Variants in CSNK1G3 observed in about 807,000 individuals in gnomAD.
The protein encoded by CSNK1G3 is casein kinase 1 gamma 3.
A neutral mutation model predicts 64.3 loss-of-function variants in CSNK1G3; 23 were observed. That is an observed-to-expected ratio of 0.36 (90% CI 0.26 to 0.51). CSNK1G3 has a LOEUF of 0.51. Ranked by LOEUF, CSNK1G3 falls within the 20% of genes least tolerant of loss-of-function variation. The pLI is 0.96. For missense variants in CSNK1G3, 357 were observed against 510.5 expected (o/e 0.70, Z 2.90); for synonymous variants, 158 against 162.2 (o/e 0.97, Z 0.20).
chr5:123,599,140 A>G (rs1334020433), intron 10 of CSNK1G3, among the ~76,000 whole-genome samples: 1 of 152,182 alleles, frequency 6.6e-6, no homozygotes, highest in Non-Finnish European at 1.5e-5. Context: ...GTGCAAACTG[A>G]AAATCTGATC....
chr5:123,526,521 C>T (rs1240952005), intron 1 of CSNK1G3, among the ~76,000 whole-genome samples: 1 of 152,010 alleles, frequency 6.6e-6, no homozygotes, highest in African/African-American at 2.4e-5. Context: ...ATTCACTCTG[C>T]CAATAATCAA....
At chr5:123,611,929 TTA>T (rs1796403810) in intron 12 of CSNK1G3, among the ~76,000 whole-genome samples, 1 of 152,242 alleles carries the variant, frequency 6.6e-6, no homozygotes, top group Non-Finnish European at 1.5e-5. Flanking sequence ...GTAAAGGATT[TTA>T]TCTTTTAGAA....
At chr5:123,556,224 G>A (rs1458829018) in intron 3 of CSNK1G3, among the ~76,000 whole-genome samples, 1 of 151,970 alleles carries the variant, frequency 6.6e-6, no homozygotes, top group Non-Finnish European at 1.5e-5. Flanking sequence ...GAATTCTTTT[G>A]TTGTTGGTCA....
Position 123,557,478 on chromosome 5 carries a change from GTTT to G in CSNK1G3, c.220-16_220-14del. The G allele has an allele frequency of 1.9e-6, 3 of 1,590,486 alleles. No homozygotes were observed. The highest frequency in any genetic ancestry group is 1.7e-6 in the Non-Finnish European group (2 of 1,166,848). ...TTTAATAACTTAAATGTCTTTTTTT[GTTT>G]GTTTTTCAATTAGGAGCCCATGAAA... On this transcript the variant is annotated splice_polypyrimidine_tract_variant and intron_variant, in intron 3 of 12. Transcript: ENST00000345990.
intron 2 of CSNK1G3, among the ~76,000 whole-genome samples, chr5:123,548,106 C>T (rs1385215941): frequency 1.3e-5 from 2 of 152,022 alleles, no homozygotes; most frequent in Non-Finnish European, 2.9e-5. Context: ...GTATTTGGGG[C>T]TGGGCAGTTC....
At chr5:123,586,411 G>C (rs898411242) in intron 6 of CSNK1G3, among the ~76,000 whole-genome samples, 1 of 152,038 alleles carries the variant, frequency 6.6e-6, no homozygotes, top group Non-Finnish European at 1.5e-5. Context: ...TAAAATTTTC[G>C]TTATAAAAGT....
chr5:123,570,983 T>C (rs1037068512), intron 4 of CSNK1G3, among the ~76,000 whole-genome samples: 2 of 152,210 alleles, frequency 1.3e-5, no homozygotes, highest in African/African-American at 4.8e-5. Context: ...ATTTTAGAGT[T>C]GGAATAAACT....
intron 5 of CSNK1G3, among the ~76,000 whole-genome samples, chr5:123,574,306 A>G (rs1419479946): frequency 6.6e-6 from 1 of 152,216 alleles, no homozygotes. Context: ...AAATGCCAAT[A>G]GAAGTGTGCT....
Position 123,591,313 on chromosome 5 carries a change from T to C in CSNK1G3, c.991-6T>C, listed in dbSNP as rs1204384048. ...TGTATTGATACCAATTGTTATTGTA[T>C]TGTAGCCTACTCCAGTGGGTGCAGT... is the stretch of plus-strand genomic sequence containing the variant. On this transcript the variant is annotated splice_region_variant and splice_polypyrimidine_tract_variant and intron_variant, in intron 9 of 12. Transcript: ENST00000345990. 1 of 1,576,010 alleles carries C rather than the reference T, an allele frequency of 6.3e-7. No individual in the cohort carries two copies.
At chr5:123,575,895 C>A in exon 6 of CSNK1G3, 1 of 1,613,388 alleles carries the variant, frequency 6.2e-7, no homozygotes, top group South Asian at 1.1e-5. Context: ...AAACACATAC[C>A]ATACAGAGAA....
chr5:123,597,116 A>G (rs1219339675), intron 10 of CSNK1G3, among the ~76,000 whole-genome samples: 3 of 152,120 alleles, frequency 2.0e-5, no homozygotes, highest in Non-Finnish European at 4.4e-5. Context: ...AATATGTTCT[A>G]TTAATATTAT....
At chr5:123,570,284 T>A (rs1248605759) in intron 4 of CSNK1G3, among the ~76,000 whole-genome samples, 2 of 152,138 alleles carry the variant, frequency 1.3e-5, no homozygotes, top group Non-Finnish European at 2.9e-5. Context: ...CTCAACAACG[T>A]TAACTATTGG....
chr5:123,609,620 T>C (rs555999127), intron 12 of CSNK1G3, among the ~76,000 whole-genome samples: 1 of 152,280 alleles, frequency 6.6e-6, no homozygotes, highest in Non-Finnish European at 1.5e-5. Flanking sequence ...TGTATAACTC[T>C]TTTGGGAGAG....
intron 2 of CSNK1G3, among the ~76,000 whole-genome samples, chr5:123,552,588 G>C (rs545239786): frequency 3.1e-4 from 47 of 152,184 alleles, no homozygotes; most frequent in Middle Eastern, 3.4e-3. Flanking sequence ...CCTCAAAGTG[G>C]TTAGTTTATC....
intron 10 of CSNK1G3, among the ~76,000 whole-genome samples, chr5:123,595,622 G>A (rs578180598): frequency 4.0e-5 from 6 of 151,898 alleles, no homozygotes; most frequent in African/African-American, 1.4e-4. Context: ...TATAATACAT[G>A]TTTTGTTTGT....
At chr5:123,604,546 C>A (rs565913146) in intron 10 of CSNK1G3, among the ~76,000 whole-genome samples, 178 bp from the exon 12 acceptor site, 1 of 151,974 alleles carries the variant, frequency 6.6e-6, no homozygotes, top group South Asian at 2.1e-4. Context: ...AAATGCTAGA[C>A]CAATTACTGT....
chr5:123,582,087 C>T lies in CSNK1G3; in HGVS notation c.674-5981C>T, dbSNP rs182082510. Among the ~76,000 whole-genome samples the T allele has an allele frequency of 3.2e-3, 478 of 151,210 alleles. 8 individuals are homozygous for T. The highest frequency in any genetic ancestry group is 0.011 in the African/African-American group (456 of 41,222). ...AACTTCCTGCTTCTGTGTGAGGCAT[C>T]GATAAATTTGAGTTAACGAAAAAGG... On this transcript the variant is annotated intron_variant, in intron 6 of 12. Transcript: ENST00000345990.
chr5:123,595,195 T>G, intron 10 of CSNK1G3, 61 bp downstream of exon 11: 1 of 1,429,922 alleles, frequency 7.0e-7, no homozygotes, highest in Non-Finnish European at 9.8e-7. Flanking sequence ...ACCCTTTTTT[T>G]TGGAACTCAT....
chr5:123,592,983 C>T (rs774027521), intron 10 of CSNK1G3, among the ~76,000 whole-genome samples: 10 of 151,744 alleles, frequency 6.6e-5, no homozygotes, highest in Non-Finnish European at 8.8e-5. Flanking sequence ...AAGATTAATA[C>T]GGTATTCTTT....
Sources: gnomAD v4.1 joint callset for allele counts (sites outside exome capture counted in the v4.1 genomes callset) on GRCh38, gnomAD v4.1.1 for gene constraint, MANE v1.5 for transcripts, NCBI Gene and HGNC (gene_info 2026-07-23, HGNC 2026-07-21) for gene names.